CASP6: variants seen among roughly 807,000 people sequenced by gnomAD.
The protein encoded by CASP6 is caspase-6.
CASP6 carries 20 observed loss-of-function variants against 31.8 expected under a neutral mutation model. The ratio of observed to expected loss-of-function variants is 0.63; its 90% CI spans 0.44 to 0.91. The LOEUF is 0.91. Ranked by LOEUF, CASP6 falls within the 40% of genes least tolerant of loss-of-function variation. The probability of loss-of-function intolerance (pLI) is 0.00; values close to 1 mark genes in which losing one functional copy is unlikely to be tolerated. For synonymous variants in CASP6, 130 were observed against 127.8 expected (o/e 1.02, Z -0.12); for missense variants, 328 against 361.1 (o/e 0.91, Z 0.74).
the CASP6 span, among the ~76,000 whole-genome samples, chr4:109,673,405 G>C: frequency 6.6e-6 from 1 of 152,202 alleles, no homozygotes; most frequent in Non-Finnish European, 1.5e-5. Flanking sequence ...CTTGCTGCTG[G>C]AAGGGCTGTG....
At chr4:109,670,536 T>C in the CASP6 span, among the ~76,000 whole-genome samples, 1 of 151,880 alleles carries the variant, frequency 6.6e-6, no homozygotes, top group South Asian at 2.1e-4. Flanking sequence ...GCCAACATGG[T>C]GAAACCCTGT....
At chr4:109,674,680 T>G in the CASP6 span, among the ~76,000 whole-genome samples, 1 of 152,352 alleles carries the variant, frequency 6.6e-6, no homozygotes, top group African/African-American at 2.4e-5. Context: ...AATATTAGTA[T>G]TTATTAAAGA....
chr4:109,690,236 T>TAA (rs751729227), intron 6 of CASP6, among the ~76,000 whole-genome samples: 100 of 46,372 alleles, frequency 2.2e-3, no homozygotes, highest in East Asian at 6.9e-3. Context: ...AGTGAGACTA[T>TAA]AAAAAAAAAA....
upstream of CASP6, among the ~76,000 whole-genome samples, chr4:109,707,370 C>A (rs542019247): frequency 6.7e-6 from 1 of 150,334 alleles, no homozygotes; most frequent in Non-Finnish European, 1.5e-5. Flanking sequence ...CCAAAGTAAA[C>A]TGGAGGTAAC....
At chr4:109,668,845 C>G in the CASP6 span, among the ~76,000 whole-genome samples, 1 of 151,938 alleles carries the variant, frequency 6.6e-6, no homozygotes, top group Admixed American at 6.6e-5. Context: ...TTGCAATATA[C>G]ATTTACAACT....
At chr4:109,680,011 A>G in the CASP6 span, among the ~76,000 whole-genome samples, 1 of 152,140 alleles carries the variant, frequency 6.6e-6, no homozygotes, top group Non-Finnish European at 1.5e-5. Flanking sequence ...CCTGTTGGCC[A>G]GGCTGATCTC....
chr4:109,681,064 T>C, the CASP6 span, among the ~76,000 whole-genome samples: 1 of 152,208 alleles, frequency 6.6e-6, no homozygotes, highest in African/African-American at 2.4e-5. Context: ...CCCTTTACTC[T>C]TAGTTCTTAG....
At chr4:109,706,168 T>TATATATATATATATATATATAC (rs1438834395), upstream of CASP6, among the ~76,000 whole-genome samples, 13 of 92,460 alleles carry the variant, frequency 1.4e-4, no homozygotes, top group African/African-American at 1.8e-4. Flanking sequence ...TATATATATA[T>TATATATATATATATATATATAC]ATACACACAC....
chr4:109,685,195 A>C (rs2126153228), downstream of CASP6: 1 of 738,730 alleles, frequency 1.4e-6, no homozygotes, highest in East Asian at 2.5e-5. Flanking sequence ...TTTCTTGCAG[A>C]GGCATTATGT....
At chr4:109,704,748 T>C (rs1378012280), upstream of CASP6, among the ~76,000 whole-genome samples, 6 of 152,258 alleles carry the variant, frequency 3.9e-5, no homozygotes, top group Non-Finnish European at 7.3e-5. Context: ...TCTTGCTTTG[T>C]CACCAAGGCT....
chr4:109,680,863 C>CT, the CASP6 span, among the ~76,000 whole-genome samples: 1 of 152,174 alleles, frequency 6.6e-6, no homozygotes, highest in Non-Finnish European at 1.5e-5. Flanking sequence ...CTCAGGTTCT[C>CT]TTAACAGTGA....
At chr4:109,669,823 T>G in the CASP6 span, among the ~76,000 whole-genome samples, 2 of 152,206 alleles carry the variant, frequency 1.3e-5, no homozygotes, top group Non-Finnish European at 2.9e-5. Context: ...ATTAAAGGCC[T>G]TCTTCCTTTC....
intron 1 of CASP6, among the ~76,000 whole-genome samples, chr4:109,702,149 C>T (rs1730439465): frequency 6.6e-6 from 1 of 152,146 alleles, no homozygotes; most frequent in South Asian, 2.1e-4. Flanking sequence ...CCCGGCTTCC[C>T]GCCCCTAGAG....
chr4:109,673,907 G>A, the CASP6 span: 50 of 776,952 alleles, frequency 6.4e-5, no homozygotes, highest in South Asian at 1.7e-4. Context: ...AAACTTATTC[G>A]AAAAGCTAAA....
intron 2 of CASP6, 98 bp from the exon 3 acceptor site, chr4:109,697,866 C>T (rs1171144109): frequency 7.4e-6 from 10 of 1,353,916 alleles, no homozygotes; most frequent in Middle Eastern, 3.9e-4. Context: ...TCTGAGCTTC[C>T]TCCTTGCCAG....
At position 109,696,427 on chromosome 4, in the gene CASP6, A is replaced by G; in HGVS notation, c.290T>C (p.Leu97Pro). 6.2e-7 allele frequency: 1 copy of G among 1,612,488 alleles called. No homozygotes were observed. The highest frequency in any genetic ancestry group is 8.5e-7 in the Non-Finnish European group (1 of 1,179,256). Residue 97 changes from leucine (L) to proline (P), a missense_variant, in exon 4 of 7, where the codon CTG (leucine) becomes CCG (proline). Leu to Pro is a moderately conservative substitution (Grantham distance 98). Transcript: ENST00000265164. ...CFNDLKAEEL[L>P]LKIHEVSTVS... ...CTACCTACCCTCATGAATTTTGAGC[A>G]GTAGTTCTTCTGCTTTAAGATCATT...
At chr4:109,699,266 C>T (rs1730344067) in intron 1 of CASP6, among the ~76,000 whole-genome samples, 1 of 152,180 alleles carries the variant, frequency 6.6e-6, no homozygotes, top group Admixed American at 6.5e-5. Context: ...TAGCAAGATG[C>T]ACCCTTCAGT....
At chr4:109,705,991 A>T (rs1730589159), upstream of CASP6, among the ~76,000 whole-genome samples, 13 of 68,676 alleles carry the variant, frequency 1.9e-4, no homozygotes, top group African/African-American at 2.3e-4. Flanking sequence ...AAAAAAAAAA[A>T]AAAAAAAAAA....
chr4:109,668,437 G>A, the CASP6 span, among the ~76,000 whole-genome samples: 1 of 151,992 alleles, frequency 6.6e-6, no homozygotes, highest in Non-Finnish European at 1.5e-5. Flanking sequence ...TGTTTTGTCT[G>A]AAATTAATAT....
Sources: allele counts gnomAD v4.1 joint callset (sites outside exome capture counted in the v4.1 genomes callset), GRCh38; gene constraint gnomAD v4.1.1; transcripts MANE v1.5; gene names NCBI Gene and HGNC (gene_info 2026-07-23, HGNC 2026-07-21).